The following NPEPL1 variants were observed in gnomAD, a reference collection of about 807,000 sequenced individuals.
NPEPL1 encodes the protein aminopeptidase like 1.
In NPEPL1, 45 loss-of-function variants were observed where a neutral mutation model predicts 52.4. The ratio of observed to expected loss-of-function variants is 0.86; its 90% CI spans 0.68 to 1.10. The LOEUF is 1.10. NPEPL1 is among the 50% of genes least tolerant of loss of function. The probability of loss-of-function intolerance (pLI) is 0.00; values close to 1 mark genes in which losing one functional copy is unlikely to be tolerated. For synonymous variants in NPEPL1, 360 were observed against 314.7 expected, an observed-to-expected ratio of 1.14 and a Z score of -1.52; for missense variants, 696 against 710.9, an observed-to-expected ratio of 0.98 and a Z score of 0.24.
chr20:58,703,830 G>A, intron 6 of NPEPL1: 1 of 984,878 alleles, frequency 1.0e-6, no homozygotes, highest in African/African-American at 1.8e-5. Flanking sequence ...TGGTAGAACT[G>A]CCAGAGAGTA....
rs756923264 is a variant in NPEPL1, at chr20:58,715,134, C to T, written c.1414-34C>T. 18 of 1,574,400 alleles carry T rather than the reference C, an allele frequency of 1.1e-5. No individual in the cohort carries two copies. In the Middle Eastern group the frequency reaches 9.1e-4, roughly 80 times the overall value. On this transcript the variant is annotated intron_variant, in intron 11 of 11. Coordinates refer to ENST00000356091, the MANE Select transcript of NPEPL1 (RefSeq NM_024663.4). ...GAACCCCTCCTGTGCTGCAGCCCCA[C>T]GCCCAGAGTCTGTGTCCTGCCCTTT...
intron 6 of NPEPL1, chr20:58,703,571 C>T (rs2084678100): frequency 7.1e-6 from 7 of 985,184 alleles, no homozygotes; most frequent in East Asian, 1.1e-4. Context: ...TTTTTGATGT[C>T]GGCTTGTTGT....
At chr20:58,695,824 G>A (rs545942008) in intron 3 of NPEPL1, among the ~76,000 whole-genome samples, 4 of 152,252 alleles carry the variant, frequency 2.6e-5, no homozygotes, top group Admixed American at 6.5e-5. Flanking sequence ...CTTAACCCAT[G>A]GAGACAGAGT....
chr20:58,698,934 G>A (rs1193679730), intron 4 of NPEPL1, among the ~76,000 whole-genome samples, 161 bp downstream of exon 4: 1 of 152,238 alleles, frequency 6.6e-6, no homozygotes, highest in East Asian at 1.9e-4. Flanking sequence ...GCTCCAGGAA[G>A]CCTCAGGAAA....
intron 10 of NPEPL1, 110 bp from the exon 11 acceptor site, chr20:58,714,450 C>T (rs1402415265): frequency 3.8e-6 from 3 of 794,638 alleles, no homozygotes; most frequent in African/African-American, 3.5e-5. Flanking sequence ...ACGCTCCCTC[C>T]CAGCCACCCC....
Position 58,713,156 on chromosome 20 carries a change from A to G in NPEPL1, c.1002-264A>G. 2.2e-6 allele frequency: 1 copy of G among 457,756 alleles called. No homozygotes were observed. Among genetic ancestry groups the G allele is most frequent in the Non-Finnish European group, 4.0e-6 (1 of 252,556 alleles). The allele number at this position is 457,756 out of a possible 1,614,324, so 28.4% of individuals were successfully genotyped here. A position where few individuals can be genotyped will look rare whatever the true frequency, so the allele number is the denominator to read the frequency against. Reference sequence around the variant, plus strand: ...ATGCCACCCACTTTACAGAAGAAGAAACTGAGGCATGGGAGAGCCAAATGG... The same window carrying G: ...ATGCCACCCACTTTACAGAAGAAGAGACTGAGGCATGGGAGAGCCAAATGG... On this transcript the variant is annotated intron_variant, in intron 8 of 11. Coordinates refer to ENST00000356091, the MANE Select transcript of NPEPL1 (RefSeq NM_024663.4). This position sits in a 1 kb window ranked among gnomAD's most constrained non-coding sequence, Gnocchi z 4.6.
intron 3 of NPEPL1, 135 bp downstream of exon 3, chr20:58,694,727 G>A: frequency 1.0e-6 from 1 of 973,168 alleles, no homozygotes; most frequent in Non-Finnish European, 1.5e-6. Context: ...TTTGGTTCCT[G>A]GGAAGCGGCA....
chr20:58,705,003 A>G (rs557226881), intron 6 of NPEPL1, among the ~76,000 whole-genome samples: 4 of 152,274 alleles, frequency 2.6e-5, no homozygotes, highest in African/African-American at 9.6e-5. Flanking sequence ...TTTTTGACAC[A>G]TTACATTATA....
In NPEPL1 at chr20:58,714,548, T is replaced by C. The variant is rs1167031974; in HGVS notation, c.1303-12T>C. The C allele has an allele frequency of 6.4e-7, 1 of 1,559,936 alleles. No individual in the cohort carries two copies. The highest frequency in any genetic ancestry group is 1.8e-5 in the Admixed American group (1 of 54,444). Reference sequence around the variant, plus strand: ...GCAACCCACAGGCACTGTGTCCTCCTGGCCTCCCTAGGACCGAGACAACAG... The same window carrying C: ...GCAACCCACAGGCACTGTGTCCTCCCGGCCTCCCTAGGACCGAGACAACAG... On this transcript the variant is annotated splice_polypyrimidine_tract_variant and intron_variant, in intron 10 of 11. Transcript: ENST00000356091.
chr20:58,703,415 C>T, intron 6 of NPEPL1: 1 of 968,168 alleles, frequency 1.0e-6, no homozygotes, highest in Non-Finnish European at 1.2e-6. Context: ...CTAAATTCGC[C>T]ACAGATAGTG....
At chr20:58,689,814 C>T (rs1351854395), upstream of NPEPL1, among the ~76,000 whole-genome samples, 4 of 134,680 alleles carry the variant, frequency 3.0e-5, no homozygotes, top group Non-Finnish European at 6.0e-5. Flanking sequence ...TATGCGTGCA[C>T]ATGCACAAAC....
At chr20:58,703,012 C>T (rs377428332) in intron 6 of NPEPL1, among the ~76,000 whole-genome samples, 2 of 152,164 alleles carry the variant, frequency 1.3e-5, no homozygotes, top group African/African-American at 2.4e-5. Flanking sequence ...TCCGCGTCTT[C>T]GTTTTGACCA....
chr20:58,705,028 CACTT>C (rs548701531), intron 6 of NPEPL1, among the ~76,000 whole-genome samples: 41 of 152,154 alleles, frequency 2.7e-4, no homozygotes, highest in Admixed American at 9.8e-4. Context: ...ATCAAAAAAT[CACTT>C]AATATCACCA....
chr20:58,708,218 A>C (rs1412073727), intron 7 of NPEPL1, among the ~76,000 whole-genome samples: 1 of 152,256 alleles, frequency 6.6e-6, no homozygotes, highest in Non-Finnish European at 1.5e-5. Flanking sequence ...CTTGGCAAGT[A>C]GTTTCCAATC....
chr20:58,707,118 C>G lies in NPEPL1; in HGVS notation c.823-5C>G. 1 of 1,551,126 alleles carries G rather than the reference C, an allele frequency of 6.4e-7. No individual in the cohort carries two copies. Among genetic ancestry groups the G allele is most frequent in the Non-Finnish European group, 8.7e-7 (1 of 1,147,106 alleles). On this transcript the variant is annotated splice_polypyrimidine_tract_variant and splice_region_variant and intron_variant, in intron 6 of 11. Coordinates refer to ENST00000356091, the MANE Select transcript of NPEPL1 (RefSeq NM_024663.4). ...TTTGTCCTGGTCCCTTTGTACCACC[C>G]GCAGACTACCATGCCGGGGATGAAG...
At position 58,707,706 on chromosome 20, in the gene NPEPL1, C is replaced by CG. The variant is rs764659787; in HGVS notation, c.900+512dup. On this transcript the variant is annotated intron_variant, in intron 7 of 11. Coordinates refer to ENST00000356091, the MANE Select transcript of NPEPL1 (RefSeq NM_024663.4). ...CCCTTGCTCAGTGGCAGTAGTCACT[C>CG]GGGGGGCGTGGGGGGGGTGGGGGGT... 1.1e-3 allele frequency among the ~76,000 whole-genome samples: 17 copies of CG among 16,028 alleles called. No homozygotes were observed. In the South Asian group the frequency reaches 0.026, roughly 24 times the overall value. The allele number at this position is 16,028 out of a possible 152,430, so 10.5% of individuals were successfully genotyped here.
At chr20:58,714,977 G>T in intron 11 of NPEPL1, 191 bp from the exon 12 acceptor site, 3 of 684,566 alleles carry the variant, frequency 4.4e-6, no homozygotes, top group Non-Finnish European at 7.2e-6. Context: ...GCCTACGCCT[G>T]GCCTGCCAGC....
At chr20:58,691,440 AC>A (rs2084342203), upstream of NPEPL1, 1 of 685,658 alleles carries the variant, frequency 1.5e-6, no homozygotes, top group East Asian at 2.7e-5. Flanking sequence ...GGAAAAAAAA[AC>A]AACAAAAAGT....
In NPEPL1 at chr20:58,714,971, A is replaced by C. The variant is rs940963205; in HGVS notation, c.1414-197A>C. 27 of 663,800 alleles carry C rather than the reference A, an allele frequency of 4.1e-5. No homozygotes were observed. In the Admixed American group the frequency reaches 5.4e-4, roughly 13 times the overall value. 41.1% of individuals were successfully genotyped at this position (663,800 alleles called of 1,614,324 possible). A position where few individuals can be genotyped will look rare whatever the true frequency, so the allele number is the denominator to read the frequency against. On this transcript the variant is annotated intron_variant, in intron 11 of 11. Transcript: ENST00000356091. ...GCACACAGGGCCTTGCCCCCTGCCTACGCCTGGCCTGCCAGCCCTGAACGT... is the reference window on the plus strand; with the variant it reads ...GCACACAGGGCCTTGCCCCCTGCCTCCGCCTGGCCTGCCAGCCCTGAACGT...
Sources: allele counts gnomAD v4.1 joint callset (sites outside exome capture counted in the v4.1 genomes callset), GRCh38; gene constraint gnomAD v4.1.1; non-coding constraint Gnocchi (gnomAD v3.1); transcripts MANE v1.5; gene names NCBI Gene and HGNC (gene_info 2026-07-23, HGNC 2026-07-21).